Variants in GTF2A1L observed in about 807,000 individuals in gnomAD.
GTF2A1L encodes TFIIA-alpha and beta-like factor.
GTF2A1L carries 48 observed loss-of-function variants against 49.7 expected under a neutral mutation model. That is an observed-to-expected ratio of 0.97 (90% CI 0.77 to 1.23). The LOEUF (loss-of-function observed/expected upper bound fraction) is 1.23. GTF2A1L is among the 50% of genes most tolerant of loss of function. GTF2A1L has a pLI of 0.00. For synonymous variants in GTF2A1L, 246 were observed against 193.5 expected (o/e 1.27, Z -2.25); for missense variants, 736 against 564.8 (o/e 1.30, Z -3.07).
chr2:48,678,009 G>A (rs537814956), intron 8 of GTF2A1L, among the ~76,000 whole-genome samples: 2 of 138,778 alleles, frequency 1.4e-5, no homozygotes, highest in South Asian at 4.8e-4. Flanking sequence ...GTGTGTGTGT[G>A]TAATACACAG....
intron 6 of GTF2A1L, among the ~76,000 whole-genome samples, chr2:48,661,157 T>C (rs1410655209): frequency 1.3e-5 from 2 of 151,832 alleles, no homozygotes; most frequent in African/African-American, 4.8e-5. Context: ...TTTTTTAAGA[T>C]GTAAAGTTAA....
intron 6 of GTF2A1L, among the ~76,000 whole-genome samples, chr2:48,652,135 A>T (rs949282235): frequency 2.6e-5 from 4 of 152,146 alleles, no homozygotes; most frequent in African/African-American, 9.7e-5. Context: ...CCTCTCCCAG[A>T]GTAAAGAGGG....
At chr2:48,623,659 A>C (rs539769247) in intron 3 of GTF2A1L, among the ~76,000 whole-genome samples, 1 of 152,334 alleles carries the variant, frequency 6.6e-6, no homozygotes, top group Admixed American at 6.5e-5. Context: ...ACATGGAATC[A>C]ACTCAACCCA....
At chr2:48,623,648 G>C (rs1676137167) in intron 3 of GTF2A1L, among the ~76,000 whole-genome samples, 1 of 152,156 alleles carries the variant, frequency 6.6e-6, no homozygotes, top group Non-Finnish European at 1.5e-5. Flanking sequence ...CATTAGCAAA[G>C]ACATGGAATC....
intron 4 of GTF2A1L, among the ~76,000 whole-genome samples, chr2:48,643,978 C>T (rs766342593): frequency 5.3e-5 from 8 of 151,970 alleles, no homozygotes; most frequent in African/African-American, 1.9e-4. Flanking sequence ...GGATTACAGG[C>T]GTGAGCCACC....
intron 3 of GTF2A1L, among the ~76,000 whole-genome samples, chr2:48,631,628 G>C (rs1676582893): frequency 6.6e-6 from 1 of 151,870 alleles, no homozygotes; most frequent in Non-Finnish European, 1.5e-5. Flanking sequence ...GAAAATCATT[G>C]ATTCTTTGTA....
intron 3 of GTF2A1L, among the ~76,000 whole-genome samples, chr2:48,634,997 G>A (rs1275800276): frequency 6.6e-6 from 1 of 152,198 alleles, no homozygotes; most frequent in Non-Finnish European, 1.5e-5. Flanking sequence ...TCTAGGCATG[G>A]AACTGGGAAA....
intron 6 of GTF2A1L, among the ~76,000 whole-genome samples, chr2:48,652,187 C>G (rs1037445637): frequency 6.6e-6 from 1 of 152,152 alleles, no homozygotes; most frequent in East Asian, 1.9e-4. Flanking sequence ...TACGTAAATT[C>G]AAGTAGAAGA....
rs556022137 is a variant in GTF2A1L at position 48,626,522 on chromosome 2, C to T, written c.247+5232C>T. 2.1e-5 allele frequency among the ~76,000 whole-genome samples: 3 copies of T among 144,016 alleles called. 1 individual carries two copies. Among genetic ancestry groups the T allele is most frequent in the Non-Finnish European group, 4.7e-5 (3 of 63,970 alleles). The allele number at this position is 144,016 out of a possible 152,430, so 94.5% of individuals were successfully genotyped here. A position where few individuals can be genotyped will look rare whatever the true frequency, so the allele number is the denominator to read the frequency against. Reference sequence around the variant, plus strand: ...CAGTCCATGAACATGGGTATTTTCCCATTTATTTGTGTCCTTCAGTTTCTT... The same window carrying T: ...CAGTCCATGAACATGGGTATTTTCCTATTTATTTGTGTCCTTCAGTTTCTT... On this transcript the variant is annotated intron_variant, in intron 3 of 8. Coordinates refer to ENST00000403751, the MANE Select transcript of GTF2A1L (RefSeq NM_006872.5).
At position 48,643,553 on chromosome 2, in the gene GTF2A1L, AT is replaced by A. The variant is rs1317882612; in HGVS notation, c.303+1104del. 3.3e-5 allele frequency among the ~76,000 whole-genome samples: 5 copies of A among 152,032 alleles called. No individual in the cohort carries two copies. The East Asian group carries it at 5.8e-4, about 18-fold the overall frequency. Reference sequence around the variant, plus strand: ...CTCTGCCTTTGGAATTCAAACAAATATTTTTTTTCCTGTTAAAATAAGTAAT... The same window carrying A: ...CTCTGCCTTTGGAATTCAAACAAATATTTTTTTCCTGTTAAAATAAGTAAT... On this transcript the variant is annotated intron_variant, in intron 4 of 8. Coordinates refer to ENST00000403751, the MANE Select transcript of GTF2A1L (RefSeq NM_006872.5).
intron 3 of GTF2A1L, among the ~76,000 whole-genome samples, chr2:48,630,318 G>T (rs1676504591): frequency 7.0e-6 from 1 of 143,756 alleles, no homozygotes; most frequent in African/African-American, 2.5e-5. Flanking sequence ...AGTTCTCCTT[G>T]TAGAGATCTT....
At chr2:48,643,824 C>T (rs1265955099) in intron 4 of GTF2A1L, among the ~76,000 whole-genome samples, 5 of 151,372 alleles carry the variant, frequency 3.3e-5, no homozygotes, top group Non-Finnish European at 5.9e-5. Flanking sequence ...TTCAGCCTCC[C>T]GAGTAACGAG....
At chr2:48,661,912 C>T (rs1184811498) in intron 6 of GTF2A1L, among the ~76,000 whole-genome samples, 2 of 152,042 alleles carry the variant, frequency 1.3e-5, no homozygotes, top group African/African-American at 2.4e-5. Flanking sequence ...AATTACTGAT[C>T]GGAAAGAACT....
Position 48,628,199 on chromosome 2 carries a change from G to A in GTF2A1L, c.247+6909G>A, listed in dbSNP as rs1390389472. ...CTGTGATGAACATGGGAGTGCATGT[G>A]TCATTTTGGTAGAAAGATTTCTTTC... On this transcript the variant is annotated intron_variant, in intron 3 of 8. Transcript: ENST00000403751. Among the ~76,000 whole-genome samples, 2 of 144,010 alleles carry A rather than the reference G, an allele frequency of 1.4e-5. 1 individual carries two copies. The highest frequency in any genetic ancestry group is 1.4e-4 in the Admixed American group (2 of 14,176). 94.5% of individuals were successfully genotyped at this position (144,010 alleles called of 152,430 possible).
intron 3 of GTF2A1L, chr2:48,633,032 G>A: frequency 4.0e-6 from 1 of 247,060 alleles, no homozygotes; most frequent in South Asian, 5.2e-5. Flanking sequence ...AGGTTTTACT[G>A]TTTAGGTCTC....
At chr2:48,622,948 T>C (rs908900533) in intron 3 of GTF2A1L, among the ~76,000 whole-genome samples, 1 of 152,146 alleles carries the variant, frequency 6.6e-6, no homozygotes, top group Admixed American at 6.5e-5. Context: ...AACAAAAGTC[T>C]TGCAACTAGT....
At chr2:48,643,451 C>T (rs889928432) in intron 4 of GTF2A1L, among the ~76,000 whole-genome samples, 1 of 152,256 alleles carries the variant, frequency 6.6e-6, no homozygotes, top group African/African-American at 2.4e-5. Flanking sequence ...TCACTAAGAA[C>T]AGCCAAAACC....
At chr2:48,627,453 C>T (rs766690905) in intron 3 of GTF2A1L, among the ~76,000 whole-genome samples, 3 of 143,838 alleles carry the variant, frequency 2.1e-5, no homozygotes, top group African/African-American at 4.9e-5. Context: ...GTTCATTATA[C>T]AAGTTTAAAA....
At chr2:48,666,777 TTTTC>T (rs781433715) in intron 6 of GTF2A1L, among the ~76,000 whole-genome samples, 3 of 152,278 alleles carry the variant, frequency 2.0e-5, no homozygotes, top group Non-Finnish European at 4.4e-5. Flanking sequence ...TGTTTTTCTT[TTTTC>T]TTTATTTTCC....
Sources: gnomAD v4.1 joint callset for allele counts (sites outside exome capture counted in the v4.1 genomes callset) on GRCh38, gnomAD v4.1.1 for gene constraint, MANE v1.5 for transcripts, NCBI Gene and HGNC (gene_info 2026-07-23, HGNC 2026-07-21) for gene names.